C11orf65: variants seen among roughly 807,000 people sequenced by gnomAD.
C11orf65 encodes protein MFI.
Under a neutral mutation model 35.3 loss-of-function variants are expected in C11orf65, and 38 were observed. The observed-to-expected ratio is 1.08, with a 90% confidence interval of 0.83 to 1.41. The LOEUF (loss-of-function observed/expected upper bound fraction) is 1.41. C11orf65 is among the 40% of genes most tolerant of loss of function. The pLI, the probability that C11orf65 is intolerant of heterozygous loss-of-function variation, is 0.00. For synonymous variants in C11orf65, 105 were observed against 114.4 expected, an observed-to-expected ratio of 0.92 and a Z score of 0.53; for missense variants, 370 against 367.1, an observed-to-expected ratio of 1.01 and a Z score of -0.06.
intron 2 of C11orf65, among the ~76,000 whole-genome samples, chr11:108,433,036 G>A (rs1307594843): frequency 6.6e-6 from 1 of 152,010 alleles, no homozygotes; most frequent in Non-Finnish European, 1.5e-5. Context: ...GGAGTTGAGT[G>A]ATTTAATATG....
intron 2 of C11orf65, among the ~76,000 whole-genome samples, chr11:108,458,488 G>A (rs1456606248): frequency 6.6e-6 from 1 of 152,028 alleles, no homozygotes; most frequent in Non-Finnish European, 1.5e-5. Flanking sequence ...CTCAGGATCA[G>A]CACAAATCAT....
rs2137079086 is a variant in C11orf65 at position 108,347,293 on chromosome 11, G to C, written c.227-12001C>G. 6.2e-7 allele frequency: 1 copy of C among 1,609,992 alleles called. No homozygotes were observed. Among genetic ancestry groups the C allele is most frequent in the Non-Finnish European group, 8.5e-7 (1 of 1,176,552 alleles). On this transcript the variant is annotated intron_variant, in intron 2 of 3. Coordinates refer to the C11orf65 transcript ENST00000524755. ...TTTTTCTCCAGTTGGTTACATACTT[G>C]GACTTGGTGATAGACATGTACAGAA...
At chr11:108,421,721 T>C (rs2092819782) in intron 3 of C11orf65, among the ~76,000 whole-genome samples, 1 of 152,064 alleles carries the variant, frequency 6.6e-6, no homozygotes. Flanking sequence ...GTTCTATATT[T>C]TACACTCTGG....
In C11orf65 at chr11:108,332,853, A is replaced by C. The variant is rs767670019; in HGVS notation, c.300-1286T>G. 6.2e-7 allele frequency: 1 copy of C among 1,613,262 alleles called. No individual in the cohort carries two copies. Among genetic ancestry groups the C allele is most frequent in the South Asian group, 1.1e-5 (1 of 91,076 alleles). ...AGTGTTGAGGCACTTTGTGATGCTTATATTATATTAGCAAACTTAGATGCC... is the reference window on the plus strand; with the variant it reads ...AGTGTTGAGGCACTTTGTGATGCTTCTATTATATTAGCAAACTTAGATGCC... On this transcript the variant is annotated intron_variant, in intron 3 of 3. Coordinates refer to the C11orf65 transcript ENST00000524755.
chr11:108,360,033 A>AATTG (rs1056952868), intron 2 of C11orf65, among the ~76,000 whole-genome samples: 4 of 151,994 alleles, frequency 2.6e-5, no homozygotes, highest in Non-Finnish European at 5.9e-5. Context: ...GGATCAACAA[A>AATTG]ATTGATAGAC....
At chr11:108,361,395 G>A (rs1290628413) in intron 2 of C11orf65, among the ~76,000 whole-genome samples, 7 of 151,512 alleles carry the variant, frequency 4.6e-5, no homozygotes, top group Admixed American at 4.6e-4. Flanking sequence ...CAGATTCAAT[G>A]GCATCCCCAT....
chr11:108,342,425 G>A (rs2087703396), intron 2 of C11orf65, among the ~76,000 whole-genome samples: 1 of 152,088 alleles, frequency 6.6e-6, no homozygotes, highest in South Asian at 2.1e-4. Flanking sequence ...TATACATATA[G>A]TATCCTAATT....
At chr11:108,332,785 A>C (rs1484346818) in intron 3 of C11orf65, 1 of 1,613,280 alleles carries the variant, frequency 6.2e-7, no homozygotes, top group South Asian at 1.1e-5. Flanking sequence ...CTGCAAATAG[A>C]ATAATATGTA....
chr11:108,331,110 A>G, downstream of C11orf65: 1 of 1,004,784 alleles, frequency 1.0e-6, no homozygotes, highest in Non-Finnish European at 1.2e-6. Flanking sequence ...ATTTTATTGT[A>G]CACTGACTTC....
At chr11:108,347,675 G>A (rs2088621337) in intron 2 of C11orf65, among the ~76,000 whole-genome samples, 1 of 152,104 alleles carries the variant, frequency 6.6e-6, no homozygotes, top group Non-Finnish European at 1.5e-5. Flanking sequence ...AAAACAAGGA[G>A]TAATTTTAAG....
chr11:108,448,596 A>G (rs891840079), intron 2 of C11orf65, among the ~76,000 whole-genome samples: 1 of 152,218 alleles, frequency 6.6e-6, no homozygotes, highest in Non-Finnish European at 1.5e-5. Context: ...CCTTCATGCT[A>G]AAAACTCTCA....
chr11:108,347,219 C>T, intron 2 of C11orf65: 1 of 1,253,966 alleles, frequency 8.0e-7, no homozygotes. Flanking sequence ...GAAATTATGG[C>T]TATATATTAG....
At chr11:108,354,072 C>CACAA (rs1472126994) in intron 2 of C11orf65, among the ~76,000 whole-genome samples, 3 of 140,702 alleles carry the variant, frequency 2.1e-5, no homozygotes, top group African/African-American at 8.7e-5. Flanking sequence ...CACACACAAA[C>CACAA]ACACACACAC....
At chr11:108,308,986 A>G (rs2083907590) in exon 7 of C11orf65, 1 of 1,523,246 alleles carries the variant, frequency 6.6e-7, no homozygotes, top group Non-Finnish European at 8.8e-7. Flanking sequence ...ATTGGGGTAG[A>G]ATGGTGTTGA....
intron 1 of C11orf65, among the ~76,000 whole-genome samples, chr11:108,464,476 C>T (rs1338971950): frequency 6.6e-6 from 1 of 152,124 alleles, no homozygotes; most frequent in Non-Finnish European, 1.5e-5. Flanking sequence ...ATTCTCCTGC[C>T]TCAGCCTCCC....
chr11:108,341,533 A>C (rs2087578686), intron 2 of C11orf65, among the ~76,000 whole-genome samples: 1 of 152,164 alleles, frequency 6.6e-6, no homozygotes, highest in Non-Finnish European at 1.5e-5. Flanking sequence ...CCCAACAAAT[A>C]AATGTTAATA....
At chr11:108,370,622 G>GTT (rs1032095412) in intron 2 of C11orf65, among the ~76,000 whole-genome samples, 1 of 147,750 alleles carries the variant, frequency 6.8e-6, no homozygotes, top group South Asian at 2.1e-4. Context: ...GTTTTGTTTT[G>GTT]TTTTTTTTTA....
intron 2 of C11orf65, chr11:108,346,504 T>G (rs953667107): frequency 2.0e-5 from 3 of 152,274 alleles, no homozygotes; most frequent in South Asian, 2.1e-4. Context: ...TTGTTGTTTT[T>G]TTTTTTTTTA....
intron 2 of C11orf65, chr11:108,346,059 T>G: frequency 1.2e-6 from 1 of 839,588 alleles, no homozygotes; most frequent in Non-Finnish European, 1.9e-6. Flanking sequence ...TATTAAATCA[T>G]ATGTTTCTTG....
Sources: allele counts gnomAD v4.1 joint callset (sites outside exome capture counted in the v4.1 genomes callset), GRCh38; gene constraint gnomAD v4.1.1; transcripts MANE v1.5; gene names NCBI Gene and HGNC (gene_info 2026-07-23, HGNC 2026-07-21).